The following CCDC88C variants were observed in gnomAD, a reference collection of about 807,000 sequenced individuals.
CCDC88C encodes the protein coiled-coil and HOOK domain protein 88C, also known as protein Daple.
CCDC88C carries 131 observed loss-of-function variants against 198.8 expected under a neutral mutation model. The ratio of observed to expected loss-of-function variants is 0.66; its 90% CI spans 0.57 to 0.76. CCDC88C has a LOEUF of 0.76. CCDC88C is among the 30% of genes least tolerant of loss of function. The pLI is 0.00. For synonymous variants in CCDC88C, 1,166 were observed against 1,114.7 expected, an observed-to-expected ratio of 1.05 and a Z score of -0.92; for missense variants, 2,553 against 2,631.6, an observed-to-expected ratio of 0.97 and a Z score of 0.65.
chr14:91,393,051 C>T (rs1465223189), intron 3 of CCDC88C, among the ~76,000 whole-genome samples: 1 of 152,156 alleles, frequency 6.6e-6, no homozygotes, highest in Non-Finnish European at 1.5e-5. Context: ...TACCGGAGTC[C>T]GCTCCCGGAA....
chr14:91,322,904 CTTT>C (rs35728972), intron 12 of CCDC88C, among the ~76,000 whole-genome samples: 4 of 127,514 alleles, frequency 3.1e-5, no homozygotes, highest in Admixed American at 8.4e-5. Flanking sequence ...CAGTGTTTCT[CTTT>C]TTTTTTTTTT....
chr14:91,415,144 C>T (rs1179438167), intron 2 of CCDC88C, among the ~76,000 whole-genome samples: 1 of 151,992 alleles, frequency 6.6e-6, no homozygotes, highest in Non-Finnish European at 1.5e-5. Context: ...GAAGTTTCAC[C>T]GGTCATTGCG....
At chr14:91,317,375 G>A (rs1213259278) in intron 13 of CCDC88C, among the ~76,000 whole-genome samples, 1 of 152,210 alleles carries the variant, frequency 6.6e-6, no homozygotes, top group East Asian at 1.9e-4. Context: ...TTACTGACTA[G>A]GAAATGCCAG....
intron 3 of CCDC88C, among the ~76,000 whole-genome samples, chr14:91,387,481 G>A (rs928412319): frequency 7.2e-5 from 11 of 152,212 alleles, no homozygotes; most frequent in African/African-American, 2.4e-4. Context: ...CTCCCAGGAA[G>A]GCAATGACAG....
Position 91,339,370 on chromosome 14 carries a change from G to T in CCDC88C, c.717C>A (p.Ser239Arg). ...CTTCGCTAGAGAGGCTGCTGGTGGGGCTGGGAGTGGAGTCGGCGCTGGAGG... is the reference window on the plus strand; with the variant it reads ...CTTCGCTAGAGAGGCTGCTGGTGGGTCTGGGAGTGGAGTCGGCGCTGGAGG... ...IKSSSADSTPSPTSSLSSEDK... is the reference protein window; with the variant it reads ...IKSSSADSTPRPTSSLSSEDK... Residue 239 changes from serine (S) to arginine (R), a missense_variant, in exon 8 of 30, where the codon AGC (serine) becomes AGA (arginine). Transcript: ENST00000389857. The surrounding 1 kb of genome is among the most constrained non-coding windows in gnomAD (Gnocchi z 5.8). 6.2e-7 allele frequency: 1 copy of T among 1,613,858 alleles called. No individual in the cohort carries two copies. The highest frequency in any genetic ancestry group is 1.7e-4 in the Middle Eastern group (1 of 6,040).
In CCDC88C at chr14:91,308,419, C is replaced by T. The variant is rs1325894529; in HGVS notation, c.2938G>A (p.Val980Met). The T allele has an allele frequency of 6.2e-7, 1 of 1,614,002 alleles. No individual in the cohort carries two copies. Among genetic ancestry groups the T allele is most frequent in the Non-Finnish European group, 8.5e-7 (1 of 1,179,868 alleles). The change falls in exon 17 of 30, where the codon GTG becomes ATG. Residue 980 changes from valine (V) to methionine (M), a missense_variant. Val to Met is a conservative substitution (Grantham distance 21, BLOSUM62 1). Transcript: ENST00000389857. ...TTLAMKEEKI[V>M]LLEAQMEEKA... Reference sequence around the variant, plus strand: ...TCTTCCATCTGTGCTTCTAAGAGCACAATCTTTTCTTCTTTCATGGCTAGT... The same window carrying T: ...TCTTCCATCTGTGCTTCTAAGAGCATAATCTTTTCTTCTTTCATGGCTAGT...
intron 16 of CCDC88C, 149 bp from the exon 17 acceptor site, chr14:91,308,641 C>T (rs2139792808): frequency 3.6e-6 from 3 of 822,864 alleles, no homozygotes; most frequent in South Asian, 1.7e-5. Context: ...CGAGCCAAAA[C>T]TCATCTTCCC....
At chr14:91,306,677 G>C (rs908884935) in intron 18 of CCDC88C, among the ~76,000 whole-genome samples, 1 of 152,208 alleles carries the variant, frequency 6.6e-6, no homozygotes, top group Non-Finnish European at 1.5e-5. Context: ...TGTCACTGTA[G>C]GGGAAGCAGC....
rs747734614 is a variant in CCDC88C, at chr14:91,273,024, C to A, written c.5688G>T (p.Leu1896=). Residue 1896 remains leucine, a synonymous_variant, in exon 30 of 30, where the codon CTG becomes CTT. Transcript: ENST00000389857. This position sits in a 1 kb window ranked among gnomAD's most constrained non-coding sequence, Gnocchi z 5.6. Reference sequence around the variant, plus strand: ...CTGTGGCAGACTGATGCAGGGGGGCCAGCCTCTCCTCCTTTGGGGGAGCCA... The same window carrying A: ...CTGTGGCAGACTGATGCAGGGGGGCAAGCCTCTCCTCCTTTGGGGGAGCCA... ...FSLAPPKEER[L]APLHQSATAP... 3 of 1,554,738 alleles carry A rather than the reference C, an allele frequency of 1.9e-6. No homozygotes were observed. Among genetic ancestry groups the A allele is most frequent in the Non-Finnish European group, 2.6e-6 (3 of 1,154,500 alleles).
chr14:91,311,641 C>G (rs533611122), intron 15 of CCDC88C, among the ~76,000 whole-genome samples: 1 of 152,182 alleles, frequency 6.6e-6, no homozygotes, highest in Non-Finnish European at 1.5e-5. Context: ...AGACCCTTCA[C>G]GAGTGAGATA....
chr14:91,377,347 C>T (rs1020102283), intron 3 of CCDC88C, among the ~76,000 whole-genome samples: 2 of 152,198 alleles, frequency 1.3e-5, no homozygotes, highest in Non-Finnish European at 2.9e-5. Flanking sequence ...GCATGAGAGC[C>T]GGAGCGATGG....
intron 3 of CCDC88C, among the ~76,000 whole-genome samples, chr14:91,363,569 G>A (rs1484770467): frequency 1.3e-5 from 2 of 151,754 alleles, no homozygotes; most frequent in African/African-American, 4.8e-5. Context: ...TATAATATGC[G>A]AGATTAAGAA....
At position 91,325,800 on chromosome 14, in the gene CCDC88C, C is replaced by T. The variant is rs943758238; in HGVS notation, c.1197+110G>A. ...GGTTGCCAGGGTTAGAACTCCTGCG[C>T]TCAAGGGATCCTCCCACCTTAGCCT... is the stretch of plus-strand genomic sequence containing the variant. On this transcript the variant is annotated intron_variant, in intron 11 of 29. Transcript: ENST00000389857. The surrounding 1 kb of genome is among the most constrained non-coding windows in gnomAD (Gnocchi z 4.1). The T allele has an allele frequency of 1.8e-6, 2 of 1,128,942 alleles. No individual in the cohort carries two copies. Among genetic ancestry groups the T allele is most frequent in the Non-Finnish European group, 2.5e-6 (2 of 803,530 alleles). The allele number at this position is 1,128,942 out of a possible 1,614,324, so 69.9% of individuals were successfully genotyped here.
chr14:91,368,569 C>A (rs1012555657), intron 3 of CCDC88C, among the ~76,000 whole-genome samples: 8 of 152,216 alleles, frequency 5.3e-5, no homozygotes, highest in African/African-American at 1.9e-4. Flanking sequence ...AAAGGCCCCA[C>A]ACGTATTCCA....
chr14:91,324,846 G>A lies in CCDC88C; in HGVS notation c.1275C>T (p.Ser425=). 6.2e-7 allele frequency: 1 copy of A among 1,613,756 alleles called. No individual in the cohort carries two copies. The highest frequency in any genetic ancestry group is 8.5e-7 in the Non-Finnish European group (1 of 1,179,900). Residue 425 remains serine (S), a synonymous_variant, in exon 12 of 30, where the codon AGC becomes AGT. Transcript: ENST00000389857. The part of the protein sequence containing the change: ...NMVLEIAQKQ[S]MNESAHLGWE... Reference sequence around the variant, plus strand: ...AGCCAAGGTGGGCAGATTCGTTCATGCTCTGCTTCTGTGCAATCTCAAGGA... The same window carrying A: ...AGCCAAGGTGGGCAGATTCGTTCATACTCTGCTTCTGTGCAATCTCAAGGA...
chr14:91,303,140 A>T (rs556626687), intron 20 of CCDC88C, among the ~76,000 whole-genome samples: 1 of 152,260 alleles, frequency 6.6e-6, no homozygotes, highest in South Asian at 2.1e-4. Flanking sequence ...TCCTCCGCGC[A>T]GCCTGACAGA....
rs554333100 is a variant in CCDC88C, at chr14:91,359,629, G to A, written c.340+13C>T. On this transcript the variant is annotated intron_variant, in intron 4 of 29. Coordinates refer to ENST00000389857, the MANE Select transcript of CCDC88C (RefSeq NM_001080414.4). ...TGGGCACCACAGGGGAGAAGGGAGCGGCTTTCACTCACCAGACAGTGGGTC... is the reference window on the plus strand; with the variant it reads ...TGGGCACCACAGGGGAGAAGGGAGCAGCTTTCACTCACCAGACAGTGGGTC... The A allele has an allele frequency of 1.1e-5, 17 of 1,599,832 alleles. No individual in the cohort carries two copies. Among genetic ancestry groups the A allele is most frequent in the Middle Eastern group, 1.7e-4 (1 of 6,044 alleles).
At chr14:91,379,870 G>A (rs745496156) in intron 3 of CCDC88C, 8 of 702,792 alleles carry the variant, frequency 1.1e-5, no homozygotes, top group East Asian at 5.4e-5. Context: ...TTTAGTTACC[G>A]GAAAAAGGGT....
At position 91,412,718 on chromosome 14, in the gene CCDC88C, AGCC is replaced by A. The variant is rs1285204144; in HGVS notation, c.162-3954_162-3952del. Among the ~76,000 whole-genome samples, 4 of 152,166 alleles carry A rather than the reference AGCC, an allele frequency of 2.6e-5. No individual in the cohort carries two copies. In the East Asian group the frequency reaches 7.7e-4, roughly 29 times the overall value. ...CCAAAGTGCTGGCATTACAGGCGTG[AGCC>A]ACCGTGCCCAGCCTGTTTGTATAAT... is the stretch of plus-strand genomic sequence containing the variant. On this transcript the variant is annotated intron_variant, in intron 2 of 29. Transcript: ENST00000389857.
Sources: gnomAD v4.1 joint callset for allele counts (sites outside exome capture counted in the v4.1 genomes callset) on GRCh38, gnomAD v4.1.1 for gene constraint, Gnocchi (gnomAD v3.1) non-coding constraint, MANE v1.5 for transcripts, NCBI Gene and HGNC (gene_info 2026-07-23, HGNC 2026-07-21) for gene names.